GPC6: variants seen among roughly 807,000 people sequenced by gnomAD.
GPC6 encodes glypican-6.
GPC6 carries 14 observed loss-of-function variants against 55.2 expected under a neutral mutation model. The ratio of observed to expected loss-of-function variants is 0.25; its 90% CI spans 0.17 to 0.40. The LOEUF is 0.40. GPC6 is among the 10% of genes least tolerant of loss of function. The pLI is 1.00. For synonymous variants in GPC6, 278 were observed against 259.6 expected, an observed-to-expected ratio of 1.07 and a Z score of -0.68; for missense variants, 641 against 708.5, an observed-to-expected ratio of 0.90 and a Z score of 1.08.
chr13:94,199,276 C>G (rs1889679012), intron 4 of GPC6, among the ~76,000 whole-genome samples: 1 of 152,186 alleles, frequency 6.6e-6, no homozygotes, highest in Admixed American at 6.5e-5. Context: ...GAGTCATTGA[C>G]TCTTTTTATT....
At chr13:93,453,740 G>A (rs868175440) in intron 1 of GPC6, among the ~76,000 whole-genome samples, 2 of 151,462 alleles carry the variant, frequency 1.3e-5, no homozygotes, top group East Asian at 2.0e-4. Context: ...CGGTGGGCTC[G>A]TGGTCTGGCT....
At chr13:93,662,659 A>C (rs142993013) in intron 2 of GPC6, among the ~76,000 whole-genome samples, 181 of 152,124 alleles carry the variant, frequency 1.2e-3, no homozygotes, top group African/African-American at 3.7e-3. Flanking sequence ...AACAAACAAA[A>C]AAAAAACTTC....
At chr13:93,288,013 G>T (rs919143850) in intron 1 of GPC6, among the ~76,000 whole-genome samples, 1 of 151,860 alleles carries the variant, frequency 6.6e-6, no homozygotes, top group Non-Finnish European at 1.5e-5. Flanking sequence ...AAGCTTCATC[G>T]GTTTTGATTT....
chr13:94,261,980 A>G (rs1230999390), intron 4 of GPC6, among the ~76,000 whole-genome samples: 1 of 152,230 alleles, frequency 6.6e-6, no homozygotes, highest in Non-Finnish European at 1.5e-5. Flanking sequence ...ACATGTTCAA[A>G]TGCCTAAGGT....
intron 3 of GPC6, among the ~76,000 whole-genome samples, chr13:94,022,035 C>G (rs560760623): frequency 6.6e-6 from 1 of 152,010 alleles, no homozygotes; most frequent in African/African-American, 2.4e-5. Context: ...AAAATGGTTA[C>G]TGTAGTGGAA....
chr13:93,858,568 G>A (rs1034683921), intron 3 of GPC6, among the ~76,000 whole-genome samples: 5 of 151,476 alleles, frequency 3.3e-5, no homozygotes, highest in Admixed American at 6.6e-5. Flanking sequence ...CAGCAAAGAC[G>A]ATTGAGGAAA....
Position 93,537,293 on chromosome 13 carries a change from T to A in GPC6, c.161-7970T>A, listed in dbSNP as rs764913197. Among the ~76,000 whole-genome samples, 6 of 152,360 alleles carry A rather than the reference T, an allele frequency of 3.9e-5. No individual in the cohort carries two copies. In the East Asian group the frequency reaches 9.6e-4, roughly 24 times the overall value. ...ATGAGGAGGTTGTACCACCTTCCAA[T>A]AGATGGATAGTTCTTGTTAATTTAA... On this transcript the variant is annotated intron_variant, in intron 1 of 8. Transcript: ENST00000377047.
intron 2 of GPC6, among the ~76,000 whole-genome samples, chr13:93,721,114 T>A (rs1181824235): frequency 1.3e-5 from 2 of 152,008 alleles, no homozygotes; most frequent in Non-Finnish European, 2.9e-5. Context: ...GTTCTGAATA[T>A]CCTTGCTAAT....
chr13:93,693,442 T>TGG (rs1440164364), intron 2 of GPC6, among the ~76,000 whole-genome samples: 1 of 145,026 alleles, frequency 6.9e-6, no homozygotes, highest in African/African-American at 2.6e-5. Context: ...GAGATATATG[T>TGG]GTGTGTGTGT....
chr13:93,510,491 G>A (rs55737426), intron 1 of GPC6, among the ~76,000 whole-genome samples: 3,415 of 152,146 alleles, frequency 0.022, 66 homozygotes, highest in Non-Finnish European at 0.03. Flanking sequence ...TGCAAATGAC[G>A]TGATTTTATA....
At chr13:94,119,958 A>C (rs1290050437) in intron 4 of GPC6, among the ~76,000 whole-genome samples, 2 of 152,156 alleles carry the variant, frequency 1.3e-5, no homozygotes, top group Non-Finnish European at 2.9e-5. Context: ...TTACATATAG[A>C]TAAAATAGAT....
intron 3 of GPC6, among the ~76,000 whole-genome samples, chr13:93,853,828 T>C (rs1888505812): frequency 6.6e-6 from 1 of 151,702 alleles, no homozygotes; most frequent in African/African-American, 2.4e-5. Context: ...GTGTTATTGT[T>C]GTCCTCACGG....
intron 1 of GPC6, among the ~76,000 whole-genome samples, chr13:93,277,213 C>G (rs1412041523): frequency 6.6e-6 from 1 of 152,170 alleles, no homozygotes; most frequent in Non-Finnish European, 1.5e-5. Context: ...GAACACACCA[C>G]TGAGGTGAAA....
At chr13:94,123,937 G>A (rs530259675) in intron 4 of GPC6, among the ~76,000 whole-genome samples, 1 of 151,922 alleles carries the variant, frequency 6.6e-6, no homozygotes, top group Non-Finnish European at 1.5e-5. Flanking sequence ...AGCCTTTCTG[G>A]GAGCAGATGT....
intron 3 of GPC6, chr13:93,830,750 C>T (rs1293811785): frequency 1.7e-6 from 1 of 581,728 alleles, no homozygotes. Flanking sequence ...GATTTTAAGC[C>T]ATTCTATGTG....
chr13:93,758,654 T>C (rs1014843363), intron 2 of GPC6, among the ~76,000 whole-genome samples: 1 of 151,970 alleles, frequency 6.6e-6, no homozygotes, highest in Non-Finnish European at 1.5e-5. Flanking sequence ...TTTTTCCTTC[T>C]TAAGAATGCC....
At chr13:94,189,410 G>A (rs1017068682) in intron 4 of GPC6, among the ~76,000 whole-genome samples, 2 of 152,088 alleles carry the variant, frequency 1.3e-5, no homozygotes, top group East Asian at 1.9e-4. Context: ...AACAGGAGAG[G>A]GAGGCATGCT....
intron 6 of GPC6, among the ~76,000 whole-genome samples, chr13:94,306,439 T>C (rs562729392): frequency 1.3e-5 from 2 of 152,352 alleles, no homozygotes; most frequent in Non-Finnish European, 2.9e-5. Context: ...ATAATTGCAA[T>C]AGCACATTTC....
intron 1 of GPC6, among the ~76,000 whole-genome samples, chr13:93,281,022 G>T (rs958619737): frequency 6.6e-6 from 1 of 152,126 alleles, no homozygotes; most frequent in Non-Finnish European, 1.5e-5. Context: ...TCCAAGGGTT[G>T]GGGACCCCTG....
Sources: allele counts gnomAD v4.1 joint callset (sites outside exome capture counted in the v4.1 genomes callset), GRCh38; gene constraint gnomAD v4.1.1; transcripts MANE v1.5; gene names NCBI Gene and HGNC (gene_info 2026-07-23, HGNC 2026-07-21).